The following AOAH variants were observed in gnomAD, a reference collection of about 807,000 sequenced individuals.
The protein encoded by AOAH is acyloxyacyl hydrolase (neutrophil).
A neutral mutation model predicts 92.2 loss-of-function variants in AOAH; 64 were observed. That is an observed-to-expected ratio of 0.69 (90% CI 0.57 to 0.86). The LOEUF (loss-of-function observed/expected upper bound fraction) is 0.86. Among genes scored for constraint, AOAH ranks in the 40% least tolerant of loss-of-function variants. The probability of loss-of-function intolerance (pLI) is 0.00; values close to 1 mark genes in which losing one functional copy is unlikely to be tolerated. For missense variants in AOAH, 656 were observed against 694.6 expected (o/e 0.94, Z 0.62); for synonymous variants, 263 against 254.5 (o/e 1.03, Z -0.32).
In AOAH at chr7:36,535,098, T is replaced by TG. The variant is rs1562543580; in HGVS notation, c.1307-2755_1307-2754insC. Among the ~76,000 whole-genome samples, 108 of 114,302 alleles carry TG rather than the reference T, an allele frequency of 9.4e-4. 2 individuals carry two copies. The highest frequency in any genetic ancestry group is 3.4e-3 in the East Asian group (12 of 3,500). 75.0% of individuals were successfully genotyped at this position (114,302 alleles called of 152,430 possible). A position where few individuals can be genotyped will look rare whatever the true frequency, so the allele number is the denominator to read the frequency against. ...TGTGTCTGTGTCTCTGTGTGTGTGTTTGTGTGTGTCTGTGTCTGTGTGTGT... is the reference window on the plus strand; with the variant it reads ...TGTGTCTGTGTCTCTGTGTGTGTGTTGTGTGTGTGTCTGTGTCTGTGTGTGT... On this transcript the variant is annotated intron_variant, in intron 16 of 20. Coordinates refer to ENST00000617537, the MANE Select transcript of AOAH (RefSeq NM_001637.4).
At chr7:36,538,130 C>T (rs1460582536) in intron 16 of AOAH, among the ~76,000 whole-genome samples, 6 of 151,406 alleles carry the variant, frequency 4.0e-5, no homozygotes, top group South Asian at 2.1e-4. Context: ...TGGGTTCAAG[C>T]GATTCTCCTG....
intron 4 of AOAH, among the ~76,000 whole-genome samples, chr7:36,654,441 G>A (rs1406053018): frequency 1.3e-5 from 2 of 152,114 alleles, no homozygotes; most frequent in Non-Finnish European, 2.9e-5. Flanking sequence ...CCACAGGACC[G>A]GCAAGAAGTG....
intron 16 of AOAH, among the ~76,000 whole-genome samples, chr7:36,538,161 G>A (rs1785202315): frequency 6.6e-6 from 1 of 151,754 alleles, no homozygotes; most frequent in Non-Finnish European, 1.5e-5. Context: ...CTGAGTAGTT[G>A]GGATCACAGG....
intron 3 of AOAH, among the ~76,000 whole-genome samples, chr7:36,663,172 A>G (rs927488831): frequency 3.3e-5 from 5 of 152,160 alleles, no homozygotes; most frequent in Non-Finnish European, 7.4e-5. Flanking sequence ...TCTTTTGAGC[A>G]GTTTTAGGTT....
intron 11 of AOAH, among the ~76,000 whole-genome samples, chr7:36,601,906 C>A (rs1790637188): frequency 2.6e-5 from 4 of 152,156 alleles, no homozygotes; most frequent in Admixed American, 2.6e-4. Context: ...CAAAGGAGAC[C>A]AACAAACACC....
At chr7:36,603,541 G>A (rs1191184555) in intron 11 of AOAH, among the ~76,000 whole-genome samples, 1 of 152,168 alleles carries the variant, frequency 6.6e-6, no homozygotes, top group Non-Finnish European at 1.5e-5. Context: ...TAGGGCAGAG[G>A]CTGGCAAACT....
intron 4 of AOAH, among the ~76,000 whole-genome samples, chr7:36,639,876 T>C (rs1184522438): frequency 2.6e-5 from 4 of 152,000 alleles, no homozygotes; most frequent in Non-Finnish European, 4.4e-5. Context: ...TAAACAGAAA[T>C]AAGATGAAGC....
intron 13 of AOAH, among the ~76,000 whole-genome samples, chr7:36,555,646 A>T (rs1786649139): frequency 6.6e-6 from 1 of 152,118 alleles, no homozygotes; most frequent in Non-Finnish European, 1.5e-5. Flanking sequence ...GCTATTGATT[A>T]TTGCCACAAT....
intron 6 of AOAH, among the ~76,000 whole-genome samples, chr7:36,627,306 G>A (rs1415904907): frequency 1.3e-5 from 2 of 152,214 alleles, no homozygotes; most frequent in East Asian, 3.8e-4. Flanking sequence ...TAAAGGATGA[G>A]ACAGCATTTT....
At chr7:36,708,153 C>CTCTCCTT (rs1798547629) in intron 1 of AOAH, among the ~76,000 whole-genome samples, 1 of 44,904 alleles carries the variant, frequency 2.2e-5, no homozygotes. Flanking sequence ...TGCTCCTCCT[C>CTCTCCTT]TCCCGGAACT....
intron 4 of AOAH, among the ~76,000 whole-genome samples, chr7:36,651,176 T>C (rs532457655): frequency 6.6e-6 from 1 of 152,354 alleles, no homozygotes; most frequent in African/African-American, 2.4e-5. Flanking sequence ...CACTTCTCTC[T>C]TCCTCACTGT....
chr7:36,546,310 T>C (rs1785796191), intron 15 of AOAH, among the ~76,000 whole-genome samples: 1 of 152,262 alleles, frequency 6.6e-6, no homozygotes, highest in African/African-American at 2.4e-5. Context: ...TCCTTGCTGC[T>C]TGAGCTTTTT....
rs1795057381 is a variant in AOAH at position 36,659,200 on chromosome 7, C to T, written c.356G>A (p.Gly119Asp). The change falls in exon 4 of 21, where the codon GGC becomes GAC. Residue 119 changes from glycine (G) to aspartate (D), a missense_variant. Gly to Asp is a moderately conservative substitution (Grantham distance 94). Transcript: ENST00000617537. ...AGGGTAGAGATGACACAATGGTTGGCCAGTGTTCTGTTTACAAAACTCCAG... is the reference window on the plus strand; with the variant it reads ...AGGGTAGAGATGACACAATGGTTGGTCAGTGTTCTGTTTACAAAACTCCAG... The part of the protein sequence containing the change: ...HTLEFCKQNT[G>D]QPLCHLYPLP... 1 of 1,613,954 alleles carries T rather than the reference C, an allele frequency of 6.2e-7. No homozygotes were observed.
At chr7:36,617,786 C>G (rs577287248) in intron 10 of AOAH, among the ~76,000 whole-genome samples, 1 of 152,324 alleles carries the variant, frequency 6.6e-6, no homozygotes, top group East Asian at 1.9e-4. Flanking sequence ...GAGCACAGAG[C>G]TTTTGCCCAG....
intron 1 of AOAH, among the ~76,000 whole-genome samples, chr7:36,693,695 C>G (rs1047690639): frequency 1.2e-4 from 19 of 152,060 alleles, no homozygotes; most frequent in African/African-American, 4.6e-4. Context: ...CAACAGATTG[C>G]CAATTTGATA....
chr7:36,644,374 G>A (rs1794102110), intron 4 of AOAH, among the ~76,000 whole-genome samples: 1 of 152,060 alleles, frequency 6.6e-6, no homozygotes, highest in Non-Finnish European at 1.5e-5. Context: ...AACTGAGAAT[G>A]AATTCCTACC....
At chr7:36,662,209 A>G (rs941923025) in intron 3 of AOAH, among the ~76,000 whole-genome samples, 2 of 152,222 alleles carry the variant, frequency 1.3e-5, no homozygotes, top group Admixed American at 6.5e-5. Context: ...CAATATGTGA[A>G]AACAGGCTGG....
Position 36,621,154 on chromosome 7 carries a change from T to C in AOAH, c.654-325A>G, listed in dbSNP as rs1180041268. Among the ~76,000 whole-genome samples, 7 of 152,398 alleles carry C rather than the reference T, an allele frequency of 4.6e-5. No individual in the cohort carries two copies. The South Asian group carries it at 1.0e-3, about 23-fold the overall frequency. On this transcript the variant is annotated intron_variant, in intron 8 of 20. Transcript: ENST00000617537. ...ACATAATGAACAAATCTGCATCCCA[T>C]TGTGCCCCTAAATGCCCAAATAACT...
intron 4 of AOAH, among the ~76,000 whole-genome samples, chr7:36,649,359 T>C (rs1165741329): frequency 3.3e-5 from 5 of 152,112 alleles, no homozygotes; most frequent in Non-Finnish European, 7.4e-5. Context: ...GATAACTTCA[T>C]TGCACCTTTG....
Sources: gnomAD v4.1 joint callset for allele counts (sites outside exome capture counted in the v4.1 genomes callset) on GRCh38, gnomAD v4.1.1 for gene constraint, MANE v1.5 for transcripts, NCBI Gene and HGNC (gene_info 2026-07-23, HGNC 2026-07-21) for gene names.